FRMPD4: variants seen among roughly 807,000 people sequenced by gnomAD.
The protein encoded by FRMPD4 is FERM and PDZ domain-containing protein 4.
Under a neutral mutation model 94.1 loss-of-function variants are expected in FRMPD4, and 22 were observed. The observed-to-expected ratio is 0.23, with a 90% CI of 0.17 to 0.33. FRMPD4 has a LOEUF of 0.33. FRMPD4 is among the 10% of genes least tolerant of loss of function. The probability of loss-of-function intolerance (pLI) is 1.00; values close to 1 mark genes in which losing one functional copy is unlikely to be tolerated. For missense variants in FRMPD4, 1,111 were observed against 1,339.9 expected, an observed-to-expected ratio of 0.83 and a Z score of 2.67; for synonymous variants, 631 against 548.6, an observed-to-expected ratio of 1.15 and a Z score of -2.10.
chrX:12,139,554 G>C (rs1329704923), intron 1 of FRMPD4, among the ~76,000 whole-genome samples: 3 of 102,566 alleles, frequency 2.9e-5, no homozygotes, highest in Non-Finnish European at 4.0e-5. Flanking sequence ...TTTTTTTTGG[G>C]GGGGGGGTAA....
intron 4 of FRMPD4, among the ~76,000 whole-genome samples, chrX:12,639,549 T>C (rs1233262818): frequency 1.8e-5 from 2 of 112,382 alleles, no homozygotes; most frequent in Non-Finnish European, 3.8e-5. Context: ...ATTTGCTATA[T>C]ACATTGTAAA....
intron 1 of FRMPD4, among the ~76,000 whole-genome samples, chrX:12,290,711 T>C (rs2054672266): frequency 8.9e-6 from 1 of 112,101 alleles, no homozygotes; most frequent in Non-Finnish European, 1.9e-5. Context: ...TTTGAAGATG[T>C]ATTTAAGCGA....
At chrX:11,913,903 T>C (rs758415694) in intron 3 of FRMPD4, among the ~76,000 whole-genome samples, 5 of 111,991 alleles carry the variant, frequency 4.5e-5, no homozygotes, top group African/African-American at 1.6e-4. Flanking sequence ...GTTTCCTGTT[T>C]CTGTAGGACT....
At chrX:12,658,320 T>C (rs1205748911) in intron 4 of FRMPD4, among the ~76,000 whole-genome samples, 1 of 112,110 alleles carries the variant, frequency 8.9e-6, no homozygotes, top group Admixed American at 9.4e-5. Flanking sequence ...GGTTGGCCTG[T>C]TTCTAGTCAC....
chrX:12,495,620 C>T (rs770140995), intron 1 of FRMPD4, among the ~76,000 whole-genome samples: 1 of 111,532 alleles, frequency 9.0e-6, no homozygotes, highest in Non-Finnish European at 1.9e-5. Flanking sequence ...CTCAAATTCC[C>T]AGGTGATGCC....
chrX:12,206,795 G>A (rs927081771), intron 1 of FRMPD4, among the ~76,000 whole-genome samples: 1 of 112,145 alleles, frequency 8.9e-6, no homozygotes, highest in African/African-American at 3.2e-5. Context: ...TGATTCTTAT[G>A]ATGTTTATGA....
At chrX:12,428,638 C>T (rs1416983433) in intron 1 of FRMPD4, among the ~76,000 whole-genome samples, 3 of 111,731 alleles carry the variant, frequency 2.7e-5, no homozygotes, top group Non-Finnish European at 5.6e-5. Context: ...TTTGCTGGAA[C>T]ATATCTTCCA....
chrX:12,092,674 T>C (rs900353898), intron 3 of FRMPD4, among the ~76,000 whole-genome samples: 3 of 111,554 alleles, frequency 2.7e-5, no homozygotes, highest in Non-Finnish European at 5.6e-5. Context: ...TCATTCCCAT[T>C]CTCATCATGA....
In FRMPD4 at chrX:12,707,587, G is replaced by A; in HGVS notation, c.1406G>A (p.Arg469Lys). 1 of 1,210,873 alleles carries A rather than the reference G, an allele frequency of 8.3e-7. No homozygotes were observed. Residue 469 changes from arginine to lysine, a missense_variant, in exon 13 of 17, where the codon AGG (arginine) becomes AAG (lysine). Physicochemically the swap from Arg to Lys is conservative, Grantham distance 26 (BLOSUM62 2). Around this residue, in one of 8 missense-constraint regions of FRMPD4, gnomAD observed 111 missense variants for 160.7 expected, o/e 0.69. Coordinates refer to ENST00000675598, the MANE Select transcript of FRMPD4 (RefSeq NM_001368397.1). Reference protein sequence around the residue: ...ALLADFSHVNRIEMFSEEESL... With the variant: ...ALLADFSHVNKIEMFSEEESL... Reference sequence around the variant, plus strand: ...TTAGCCGACTTTAGCCACGTCAACAGGATCGAAATGTTTTCCGAGGAGGAG... The same window carrying A: ...TTAGCCGACTTTAGCCACGTCAACAAGATCGAAATGTTTTCCGAGGAGGAG...
rs192817365 is a variant in FRMPD4, at chrX:12,431,841, A to G, written c.42-66839A>G. On this transcript the variant is annotated intron_variant, in intron 1 of 16. Coordinates refer to ENST00000675598, the MANE Select transcript of FRMPD4 (RefSeq NM_001368397.1). The stretch of plus-strand genomic sequence containing the variant: ...TTTGGTTCACATCAGTTCATTTTAA[A>G]CACGAAAAAAGCAATACCTTTAAGA... Among the ~76,000 whole-genome samples, 59 of 112,455 alleles carry G rather than the reference A, an allele frequency of 5.2e-4. 1 individual carries two copies. In the East Asian group the frequency reaches 0.015, roughly 29 times the overall value.
intron 1 of FRMPD4, among the ~76,000 whole-genome samples, chrX:12,177,443 A>T (rs945843028): frequency 8.9e-6 from 1 of 112,597 alleles, no homozygotes; most frequent in African/African-American, 3.2e-5. Context: ...AAAAAATAAG[A>T]CATTTCTAAA....
chrX:11,850,761 A>G (rs1245697834), intron 1 of FRMPD4, among the ~76,000 whole-genome samples: 1 of 112,207 alleles, frequency 8.9e-6, no homozygotes, highest in Non-Finnish European at 1.9e-5. Flanking sequence ...AGTCAAATTC[A>G]TAGAGACAGA....
intron 2 of FRMPD4, among the ~76,000 whole-genome samples, chrX:12,575,873 C>A (rs2058807376): frequency 8.9e-6 from 1 of 112,003 alleles, no homozygotes; most frequent in Non-Finnish European, 1.9e-5. Context: ...ACAGACTCCC[C>A]CCTAGGGCCT....
chrX:12,495,362 T>C (rs773266643), intron 1 of FRMPD4, among the ~76,000 whole-genome samples: 38 of 112,158 alleles, frequency 3.4e-4, no homozygotes, highest in African/African-American at 1.2e-3. Flanking sequence ...ATGGGTCCTA[T>C]TGTCATCATT....
intron 1 of FRMPD4, among the ~76,000 whole-genome samples, chrX:12,214,981 C>A (rs929926389): frequency 2.7e-5 from 3 of 111,131 alleles, no homozygotes; most frequent in African/African-American, 9.8e-5. Flanking sequence ...TAAATATTTT[C>A]CCTTCTGATA....
chrX:12,564,946 C>T (rs369103989), intron 2 of FRMPD4, among the ~76,000 whole-genome samples: 2 of 110,385 alleles, frequency 1.8e-5, no homozygotes, highest in East Asian at 2.8e-4. Flanking sequence ...CATGGCCGGG[C>T]GTGGTGGCGG....
chrX:12,003,989 G>T (rs936269558), intron 3 of FRMPD4, among the ~76,000 whole-genome samples: 2 of 111,501 alleles, frequency 1.8e-5, no homozygotes, highest in Non-Finnish European at 3.8e-5. Context: ...ACAAAGGCAG[G>T]CTGGGCCAGG....
At chrX:12,389,211 C>T (rs981797322) in intron 1 of FRMPD4, among the ~76,000 whole-genome samples, 23 of 110,125 alleles carry the variant, frequency 2.1e-4, no homozygotes, top group Middle Eastern at 9.3e-3. Context: ...CGGTGGATCA[C>T]GCCTGTAATC....
intron 1 of FRMPD4, among the ~76,000 whole-genome samples, chrX:12,317,800 G>A (rs936609008): frequency 1.3e-4 from 14 of 111,352 alleles, no homozygotes; most frequent in African/African-American, 3.6e-4. Context: ...ATCAAAAGAC[G>A]GAAAATAACA....
Sources: gnomAD v4.1 joint callset for allele counts (sites outside exome capture counted in the v4.1 genomes callset) on GRCh38, gnomAD v4.1.1 for gene constraint, gnomAD v4.1.1 regional missense constraint, MANE v1.5 for transcripts, NCBI Gene and HGNC (gene_info 2026-07-23, HGNC 2026-07-21) for gene names.